Variants in KALRN observed in about 807,000 individuals in gnomAD.
KALRN encodes the protein kalirin RhoGEF kinase.
Under a neutral mutation model 353.7 loss-of-function variants are expected in KALRN, and 70 were observed. The observed-to-expected ratio is 0.20, with a 90% CI of 0.16 to 0.24. The LOEUF (loss-of-function observed/expected upper bound fraction) is 0.24. Ranked by LOEUF, KALRN falls within the 10% of genes least tolerant of loss-of-function variation. KALRN has a pLI of 1.00. For synonymous variants in KALRN, 1,391 were observed against 1,434.8 expected (o/e 0.97, Z 0.69); for missense variants, 2,791 against 3,756.7 (o/e 0.74, Z 6.72).
chr3:124,254,422 CAAAAAAA>C (rs35522040), intron 3 of KALRN, among the ~76,000 whole-genome samples: 329 of 121,274 alleles, frequency 2.7e-3, no homozygotes, highest in African/African-American at 0.011. Flanking sequence ...ATCTATGAAG[CAAAAAAA>C]AAAAAAAAAA....
intron 4 of KALRN, among the ~76,000 whole-genome samples, chr3:124,266,675 G>A (rs936055216): frequency 1.3e-5 from 2 of 152,060 alleles, no homozygotes; most frequent in South Asian, 2.1e-4. Flanking sequence ...GGCCAGGAGC[G>A]CCTGTGTGTG....
Position 124,326,122 on chromosome 3 carries a change from G to A in KALRN, c.1235G>A (p.Arg412His), listed in dbSNP as rs139591910. 12 of 1,613,676 alleles carry A rather than the reference G, an allele frequency of 7.4e-6. No individual in the cohort carries two copies. Among genetic ancestry groups the A allele is most frequent in the Non-Finnish European group, 1.0e-5 (12 of 1,179,872 alleles). ...WKSFAAALDE[R>H]STILAMSAVF... ...AGCTTCGCTGCTGCCCTGGATGAAC[G>A]CAGCACCATCCTCGCCATGTCTGCT... Residue 412 changes from arginine (R) to histidine (H), a missense_variant, in exon 7 of 60, where the codon CGC becomes CAC. Physicochemically the swap from Arg to His is conservative, Grantham distance 29. Around this residue, in one of 11 missense-constraint regions of KALRN, gnomAD observed 366 missense variants for 489.2 expected, o/e 0.75. Coordinates refer to ENST00000682506, the MANE Select transcript of KALRN (RefSeq NM_001388419.1).
At chr3:124,438,844 CT>C in intron 17 of KALRN, 43 bp from the exon 18 acceptor site, 1 of 1,568,930 alleles carries the variant, frequency 6.4e-7, no homozygotes, top group South Asian at 1.2e-5. Context: ...AGAATAATTC[CT>C]GAATAATTAA....
At chr3:124,254,886 T>G (rs1266943819) in intron 3 of KALRN, among the ~76,000 whole-genome samples, 2 of 152,164 alleles carry the variant, frequency 1.3e-5, no homozygotes, top group East Asian at 3.9e-4. Context: ...GCAGCCAGCA[T>G]CCAGGCTGTT....
At chr3:124,248,808 C>T (rs181334659) in intron 3 of KALRN, among the ~76,000 whole-genome samples, 1 of 152,316 alleles carries the variant, frequency 6.6e-6, no homozygotes, top group African/African-American at 2.4e-5. Context: ...ACTGTTCTGT[C>T]CGGAGCTGGA....
intron 1 of KALRN, among the ~76,000 whole-genome samples, chr3:124,220,741 T>C (rs1307803293): frequency 1.3e-5 from 2 of 152,192 alleles, no homozygotes; most frequent in African/African-American, 4.8e-5. Flanking sequence ...TCCCAGCAGA[T>C]CCCAGGAGGT....
intron 54 of KALRN, among the ~76,000 whole-genome samples, chr3:124,697,233 G>A (rs575234996): frequency 1.2e-4 from 19 of 152,170 alleles, no homozygotes; most frequent in African/African-American, 2.9e-4. Flanking sequence ...GGCTCCCTGC[G>A]ACCTGGGGGA....
intron 5 of KALRN, among the ~76,000 whole-genome samples, chr3:124,282,922 G>T (rs904475631): frequency 3.9e-5 from 6 of 152,188 alleles, no homozygotes; most frequent in Non-Finnish European, 7.3e-5. Flanking sequence ...TGCTGGAAGA[G>T]GGGAGAAGGG....
At chr3:124,662,795 G>A (rs913802392) in intron 45 of KALRN, among the ~76,000 whole-genome samples, 4 of 152,178 alleles carry the variant, frequency 2.6e-5, no homozygotes, top group Admixed American at 6.5e-5. Flanking sequence ...ATTTCTAGAG[G>A]CTAGAGGTCT....
intron 1 of KALRN, among the ~76,000 whole-genome samples, chr3:124,104,014 G>A (rs1370514665): frequency 1.3e-5 from 2 of 152,106 alleles, no homozygotes; most frequent in Non-Finnish European, 2.9e-5. Flanking sequence ...ATCTCTGTTG[G>A]CCCTCTTTCA....
At chr3:124,081,173 C>T (rs1471406074) in intron 1 of KALRN, among the ~76,000 whole-genome samples, 1 of 152,192 alleles carries the variant, frequency 6.6e-6, no homozygotes, top group Admixed American at 6.5e-5. Flanking sequence ...GCGGGACTGT[C>T]ATGGAGGGAA....
chr3:124,228,014 A>G lies in KALRN; in HGVS notation c.98A>G (p.Lys33Arg). 4 of 1,614,012 alleles carry G rather than the reference A, an allele frequency of 2.5e-6. No homozygotes were observed. The highest frequency in any genetic ancestry group is 3.4e-6 in the Non-Finnish European group (4 of 1,179,948). The change falls in exon 2 of 60, where the codon AAA (lysine) becomes AGA (arginine). Residue 33 changes from lysine (K) to arginine (R), a missense_variant. Physicochemically the swap from Lys to Arg is conservative, Grantham distance 26 (BLOSUM62 2). Transcript: ENST00000682506. ...RTGSFRNDGL[K>R]ASDVLPILKE... is the part of the protein sequence containing the mutation. ...GGGTCTTTTCGGAATGATGGTTTGA[A>G]AGCTTCTGATGTCCTTCCTATCCTA...
In KALRN at chr3:124,609,038, G is replaced by A. The variant is rs190841631; in HGVS notation, c.5183-23382G>A. On this transcript the variant is annotated intron_variant, in intron 34 of 59. Coordinates refer to ENST00000682506, the MANE Select transcript of KALRN (RefSeq NM_001388419.1). ...TCTGAGACTTAGCCAAAGGGTCAGCGGACTGAAGAAAGGTCATGTGGGCTT... is the reference window on the plus strand; with the variant it reads ...TCTGAGACTTAGCCAAAGGGTCAGCAGACTGAAGAAAGGTCATGTGGGCTT... Among the ~76,000 whole-genome samples the A allele has an allele frequency of 1.1e-4, 16 of 152,252 alleles. No homozygotes were observed. In the South Asian group the frequency reaches 2.5e-3, roughly 24 times the overall value.
intron 2 of KALRN, among the ~76,000 whole-genome samples, chr3:124,233,880 G>A (rs552790516): frequency 1.3e-5 from 2 of 152,266 alleles, no homozygotes; most frequent in East Asian, 3.9e-4. Context: ...TTGTGTAATG[G>A]CCAGTGCCCT....
Position 124,721,025 on chromosome 3 carries a change from G to A in KALRN, c.*1555G>A, listed in dbSNP as rs938724166. On this transcript the variant is annotated 3_prime_UTR_variant, in exon 60 of 60. Coordinates refer to ENST00000682506, the MANE Select transcript of KALRN (RefSeq NM_001388419.1). ...ATGGGATAGAGAAAATTAAAATCAC[G>A]TAGTACAGAAGTGCAAGAAGAGAAT... 5.9e-5 allele frequency: 9 copies of A among 152,176 alleles called. No individual in the cohort carries two copies. Among genetic ancestry groups the A allele is most frequent in the East Asian group, 3.8e-4 (2 of 5,202 alleles). The allele number at this position is 152,176 out of a possible 1,614,324, so 9.4% of individuals were successfully genotyped here.
chr3:124,052,153 G>A (rs1004403990), intron 1 of KALRN, among the ~76,000 whole-genome samples: 27 of 152,216 alleles, frequency 1.8e-4, no homozygotes, highest in African/African-American at 6.5e-4. Context: ...AAGACTGCTT[G>A]GTCAGTCCTC....
At chr3:124,324,619 A>G (rs1390955518) in intron 6 of KALRN, among the ~76,000 whole-genome samples, 1 of 152,180 alleles carries the variant, frequency 6.6e-6, no homozygotes, top group Non-Finnish European at 1.5e-5. Flanking sequence ...AGACATCAGG[A>G]TGGATTTGTG....
intron 33 of KALRN, among the ~76,000 whole-genome samples, chr3:124,501,748 C>T (rs1358562168): frequency 1.3e-5 from 2 of 152,148 alleles, no homozygotes; most frequent in Non-Finnish European, 2.9e-5. Flanking sequence ...CGCCTAGCCC[C>T]TGTGTTGGCA....
chr3:124,400,986 G>T (rs149509991), intron 13 of KALRN, among the ~76,000 whole-genome samples: 1 of 152,144 alleles, frequency 6.6e-6, no homozygotes, highest in African/African-American at 2.4e-5. Flanking sequence ...CTGGTTCAGC[G>T]CTGGAATGGG....
Sources: gnomAD v4.1 joint callset for allele counts (sites outside exome capture counted in the v4.1 genomes callset) on GRCh38, gnomAD v4.1.1 for gene constraint, gnomAD v4.1.1 regional missense constraint, MANE v1.5 for transcripts, NCBI Gene and HGNC (gene_info 2026-07-23, HGNC 2026-07-21) for gene names.